The following LRCH3 variants were observed in gnomAD, a reference collection of about 807,000 sequenced individuals.
LRCH3 encodes the protein leucine rich repeats and calponin homology domain containing 3, also known as DISP complex protein LRCH3.
A neutral mutation model predicts 104.5 loss-of-function variants in LRCH3; 68 were observed. That is an observed-to-expected ratio of 0.65 (90% CI 0.54 to 0.80). LRCH3 has a LOEUF of 0.80. LRCH3 is among the 30% of genes least tolerant of loss of function. The probability of loss-of-function intolerance (pLI) is 0.00; values close to 1 mark genes in which losing one functional copy is unlikely to be tolerated. For synonymous variants in LRCH3, 344 were observed against 361.3 expected (o/e 0.95, Z 0.54); for missense variants, 951 against 953.9 (o/e 1.00, Z 0.04).
intron 1 of LRCH3, among the ~76,000 whole-genome samples, chr3:197,801,239 TA>T (rs1731864266): frequency 6.6e-6 from 1 of 151,862 alleles, no homozygotes; most frequent in Admixed American, 6.6e-5. Flanking sequence ...ACAAAAAATA[TA>T]AGTGCTAAAA....
intron 1 of LRCH3, among the ~76,000 whole-genome samples, chr3:197,798,704 C>T (rs1454782547): frequency 6.6e-6 from 1 of 152,118 alleles, no homozygotes; most frequent in East Asian, 1.9e-4. Flanking sequence ...AGTACCAGGT[C>T]TTAATTTGAG....
rs866890649 is a variant in LRCH3 at position 197,879,846 on chromosome 3, T to A, written c.2209-3695T>A. 1.1e-4 allele frequency among the ~76,000 whole-genome samples: 17 copies of A among 150,954 alleles called. No individual in the cohort carries two copies. In the South Asian group the frequency reaches 2.1e-3, roughly 18 times the overall value. On this transcript the variant is annotated intron_variant, in intron 20 of 20. Transcript: ENST00000425562. ...TTCTGACCTACTTTTTTTTTTTTTTTAAATAGAGGAGAATGAGTCAGGAAA... is the reference window on the plus strand; with the variant it reads ...TTCTGACCTACTTTTTTTTTTTTTTAAAATAGAGGAGAATGAGTCAGGAAA...
intron 15 of LRCH3, among the ~76,000 whole-genome samples, chr3:197,863,665 A>G (rs1278942742): frequency 6.6e-6 from 1 of 152,152 alleles, no homozygotes; most frequent in South Asian, 2.1e-4. Context: ...CCCTTTCTTT[A>G]GGTAAGCTTT....
chr3:197,879,383 A>G (rs373950247), intron 20 of LRCH3, among the ~76,000 whole-genome samples: 30 of 151,970 alleles, frequency 2.0e-4, no homozygotes, highest in African/African-American at 6.3e-4. Context: ...GCGGTGGCTC[A>G]CGCCTGTAAT....
chr3:197,791,498 C>G lies in LRCH3; in HGVS notation c.220C>G (p.Arg74Gly). ...LSGRKLREFP[R>G]GAANHDLTDT... ...CGGCCGGAAACTGAGGGAGTTTCCC[C>G]GGGGAGCGGCCAACCACGACCTGAC... Residue 74 changes from arginine (R) to glycine (G), a missense_variant, in exon 1 of 21, where the codon CGG becomes GGG. Coordinates refer to ENST00000425562, the MANE Select transcript of LRCH3 (RefSeq NM_001365715.1). 6.3e-7 allele frequency: 1 copy of G among 1,599,246 alleles called. No individual in the cohort carries two copies. Among genetic ancestry groups the G allele is most frequent in the Non-Finnish European group, 8.5e-7 (1 of 1,174,698 alleles).
At chr3:197,839,510 T>TA in intron 10 of LRCH3, 113 bp downstream of exon 10, 1 of 600,368 alleles carries the variant, frequency 1.7e-6, no homozygotes, top group Non-Finnish European at 2.9e-6. Context: ...GGCATGTATT[T>TA]AGAACTGAGC....
chr3:197,883,862 C>T lies in LRCH3; in HGVS notation c.*196C>T, dbSNP rs532792115. The stretch of plus-strand genomic sequence containing the variant: ...TTTCCATTTCCATTGAATTTTTTTA[C>T]GAAGACACCATTGGTTTTCTCAGAT... On this transcript the variant is annotated 3_prime_UTR_variant, in exon 21 of 21. Coordinates refer to ENST00000425562, the MANE Select transcript of LRCH3 (RefSeq NM_001365715.1). This position sits in a 1 kb window ranked among gnomAD's most constrained non-coding sequence, Gnocchi z 4.2. 2.8e-5 allele frequency: 15 copies of T among 535,920 alleles called. No homozygotes were observed. The highest frequency in any genetic ancestry group is 2.5e-4 in the South Asian group (6 of 24,318). 33.2% of individuals were successfully genotyped at this position (535,920 alleles called of 1,614,324 possible).
At chr3:197,791,702 T>G (rs1045267293) in intron 1 of LRCH3, among the ~76,000 whole-genome samples, 162 bp downstream of exon 1, 1 of 151,568 alleles carries the variant, frequency 6.6e-6, no homozygotes, top group Non-Finnish European at 1.5e-5. Context: ...CCTCCGGGCC[T>G]GCGCCAGACC....
intron 19 of LRCH3, among the ~76,000 whole-genome samples, chr3:197,872,341 A>G (rs556169909): frequency 4.6e-4 from 65 of 142,374 alleles, no homozygotes; most frequent in African/African-American, 1.7e-3. Flanking sequence ...TAGGTGAGAG[A>G]GCAAGACCCT....
At chr3:197,791,623 G>A (rs1340652081) in intron 1 of LRCH3, 83 bp downstream of exon 1, 51 of 1,423,046 alleles carry the variant, frequency 3.6e-5, no homozygotes, top group Non-Finnish European at 1.4e-5. Context: ...ATGCGGGGGA[G>A]TTACAGCAGC....
chr3:197,859,927 C>T (rs568733546), intron 15 of LRCH3, among the ~76,000 whole-genome samples: 1 of 152,284 alleles, frequency 6.6e-6, no homozygotes, highest in East Asian at 1.9e-4. Context: ...AGTTCTGTGC[C>T]CTCCATTCTG....
At chr3:197,844,794 T>TA (rs1738377725) in intron 10 of LRCH3, among the ~76,000 whole-genome samples, 1 of 150,628 alleles carries the variant, frequency 6.6e-6, no homozygotes, top group East Asian at 2.0e-4. Context: ...GTTTTTCGTA[T>TA]TTTTTTAGTA....
intron 10 of LRCH3, among the ~76,000 whole-genome samples, chr3:197,846,225 A>G (rs879386881): frequency 1.3e-5 from 2 of 152,034 alleles, no homozygotes; most frequent in Non-Finnish European, 2.9e-5. Flanking sequence ...TTAACCTAGC[A>G]AAACCCGGTC....
At chr3:197,858,589 C>T (rs1168318692) in intron 14 of LRCH3, among the ~76,000 whole-genome samples, 1 of 152,062 alleles carries the variant, frequency 6.6e-6, no homozygotes, top group African/African-American at 2.4e-5. Flanking sequence ...AATCATGCCT[C>T]TCATTTCTTG....
chr3:197,807,469 C>T (rs1732642754), intron 1 of LRCH3, among the ~76,000 whole-genome samples: 2 of 152,202 alleles, frequency 1.3e-5, no homozygotes, highest in African/African-American at 4.8e-5. Flanking sequence ...GATCCGCCCG[C>T]CTTGGCCTCC....
chr3:197,830,700 G>A, intron 6 of LRCH3, 70 bp from the exon 7 acceptor site: 1 of 1,255,418 alleles, frequency 8.0e-7, no homozygotes, highest in Non-Finnish European at 1.1e-6. Context: ...TTAGAAAATT[G>A]ATCTGTTTAA....
intron 1 of LRCH3, among the ~76,000 whole-genome samples, chr3:197,811,418 ATTAT>A (rs147984144): frequency 0.011 from 1,645 of 152,064 alleles, 25 homozygotes; most frequent in African/African-American, 0.038. Flanking sequence ...TCTTATACAG[ATTAT>A]TTGTCATCAT....
chr3:197,817,360 G>GTGTGTGTTTATATATATATATA, intron 3 of LRCH3, 58 bp downstream of exon 3: 2 of 77,940 alleles, frequency 2.6e-5, no homozygotes, highest in Non-Finnish European at 3.6e-5. Flanking sequence ...GTGTGTGTGT[G>GTGTGTGTTTATATATATATATA]TATATATATA....
At chr3:197,867,578 G>A in intron 17 of LRCH3, among the ~76,000 whole-genome samples, 1 of 152,006 alleles carries the variant, frequency 6.6e-6, no homozygotes, top group South Asian at 2.1e-4. Context: ...AATTGGCTGG[G>A]TGCGGTGGCT....
Sources: allele counts gnomAD v4.1 joint callset (sites outside exome capture counted in the v4.1 genomes callset), GRCh38; gene constraint gnomAD v4.1.1; non-coding constraint Gnocchi (gnomAD v3.1); transcripts MANE v1.5; gene names NCBI Gene and HGNC (gene_info 2026-07-23, HGNC 2026-07-21).